APCDD1L: variants seen among roughly 807,000 people sequenced by gnomAD.
APCDD1L encodes protein APCDD1-like.
A neutral mutation model predicts 24.2 loss-of-function variants in APCDD1L; 21 were observed. That is an observed-to-expected ratio of 0.87 (90% CI 0.61 to 1.25). The LOEUF (loss-of-function observed/expected upper bound fraction) is 1.25. Ranked by LOEUF, APCDD1L falls within the 50% of genes most tolerant of loss-of-function variation. The pLI, the probability that APCDD1L is intolerant of heterozygous loss-of-function variation, is 0.00. For missense variants in APCDD1L, 704 were observed against 711.7 expected (o/e 0.99, Z 0.12); for synonymous variants, 321 against 323.6 (o/e 0.99, Z 0.09).
intron 1 of APCDD1L, among the ~76,000 whole-genome samples, chr20:58,507,984 G>T (rs915916342): frequency 6.6e-6 from 1 of 152,202 alleles, no homozygotes; most frequent in African/African-American, 2.4e-5. Context: ...ATAATACAAG[G>T]GTTAGTGAAG....
At chr20:58,488,390 AT>A (rs2123165800) in intron 1 of APCDD1L, among the ~76,000 whole-genome samples, 1 of 152,310 alleles carries the variant, frequency 6.6e-6, no homozygotes, top group South Asian at 2.1e-4. Flanking sequence ...ATACATATAT[AT>A]ATTACTGTGT....
chr20:58,489,665 C>T (rs771705447), intron 1 of APCDD1L, among the ~76,000 whole-genome samples: 1 of 146,414 alleles, frequency 6.8e-6, no homozygotes, highest in Non-Finnish European at 1.5e-5. Context: ...GCCTGGGCAA[C>T]AAGAGCGAAA....
chr20:58,492,455 T>A (rs1179122792), intron 1 of APCDD1L, among the ~76,000 whole-genome samples: 1 of 152,218 alleles, frequency 6.6e-6, no homozygotes, highest in Non-Finnish European at 1.5e-5. Context: ...GCATTAATAG[T>A]CAGGGCCGTG....
chr20:58,497,092 G>A lies in APCDD1L; in HGVS notation c.49+17567C>T, dbSNP rs191151358. Among the ~76,000 whole-genome samples the A allele has an allele frequency of 1.9e-3, 296 of 152,200 alleles. 1 individual carries two copies. The highest frequency in any genetic ancestry group is 6.8e-3 in the African/African-American group (283 of 41,518). Reference sequence around the variant, plus strand: ...AGTGAGGCCATGCAGGGGACAGCTCGAGAAAGACAGGGCTCCAGGGTCAGC... The same window carrying A: ...AGTGAGGCCATGCAGGGGACAGCTCAAGAAAGACAGGGCTCCAGGGTCAGC... On this transcript the variant is annotated intron_variant, in intron 1 of 3. Transcript: ENST00000371149. The surrounding 1 kb of genome is among the most constrained non-coding windows in gnomAD (Gnocchi z 4.3).
chr20:58,506,769 G>C (rs762083587), intron 1 of APCDD1L, among the ~76,000 whole-genome samples: 12 of 152,216 alleles, frequency 7.9e-5, no homozygotes, highest in Non-Finnish European at 1.6e-4. Flanking sequence ...TCCCCATTAA[G>C]CCATGTTATA....
chr20:58,488,141 G>T (rs1162258895), intron 1 of APCDD1L, among the ~76,000 whole-genome samples: 1 of 152,170 alleles, frequency 6.6e-6, no homozygotes, highest in Non-Finnish European at 1.5e-5. Flanking sequence ...ATTGAGTGCT[G>T]TTCTGAGTAG....
chr20:58,513,428 G>A (rs1473630865), intron 1 of APCDD1L, among the ~76,000 whole-genome samples: 6 of 152,156 alleles, frequency 3.9e-5, no homozygotes, highest in Non-Finnish European at 7.4e-5. Context: ...CCTTTCGACA[G>A]GTGAATCTGC....
intron 1 of APCDD1L, among the ~76,000 whole-genome samples, chr20:58,482,355 G>A (rs908966942): frequency 6.6e-6 from 1 of 152,146 alleles, no homozygotes; most frequent in Non-Finnish European, 1.5e-5. Flanking sequence ...GAGAAAGACC[G>A]GCTATAAGTC....
At position 58,460,764 on chromosome 20, in the gene APCDD1L, C is replaced by T. The variant is rs376570821; in HGVS notation, c.*26G>A. 2.8e-5 allele frequency: 42 copies of T among 1,510,386 alleles called. No homozygotes were observed. The highest frequency in any genetic ancestry group is 3.5e-5 in the Non-Finnish European group (40 of 1,129,772). 93.6% of individuals were successfully genotyped at this position (1,510,386 alleles called of 1,614,324 possible). ...TGAAGGGTTGAATGGGTGTCCAGAG[C>T]CGCCATCCTGATGTCAAGTCCAATG... On this transcript the variant is annotated 3_prime_UTR_variant, in exon 4 of 4. Transcript: ENST00000371149. This position sits in a 1 kb window ranked among gnomAD's most constrained non-coding sequence, Gnocchi z 4.2.
chr20:58,470,736 G>T lies in APCDD1L; in HGVS notation c.61C>A (p.Pro21Thr). 1.3e-6 allele frequency: 2 copies of T among 1,537,892 alleles called. No homozygotes were observed. The highest frequency in any genetic ancestry group is 1.7e-6 in the Non-Finnish European group (2 of 1,146,400). ...CTGCCCCCGGCCTCCCCAGCCGCCG[G>T]TGCAGTGTGGGCTGCAAAGCAGACA... ...VLVLLGAHTA[P>T]AAGEAGGSCL... The change falls in exon 2 of 4, where the codon CCG becomes ACG. Residue 21 changes from proline to threonine, a missense_variant. Physicochemically the swap from Pro to Thr is conservative, Grantham distance 38. Coordinates refer to ENST00000371149, the MANE Select transcript of APCDD1L (RefSeq NM_153360.3).
chr20:58,461,255 G>T lies in APCDD1L; in HGVS notation c.1041C>A (p.Gly347=), dbSNP rs572379948. 1 of 1,613,352 alleles carries T rather than the reference G, an allele frequency of 6.2e-7. No individual in the cohort carries two copies. Among genetic ancestry groups the T allele is most frequent in the South Asian group, 1.1e-5 (1 of 91,068 alleles). The change falls in exon 4 of 4, where the codon GGC becomes GGA. Residue 347 remains glycine (G), a synonymous_variant. Coordinates refer to ENST00000371149, the MANE Select transcript of APCDD1L (RefSeq NM_153360.3). The surrounding 1 kb of genome is among the most constrained non-coding windows in gnomAD (Gnocchi z 6.0). ...TGACCTCAAACACCAGCTCGGTGCC[G>T]CCGCGGACCCTGGTGGATGGCGTGC... ...TRGTPSTRVR[G]GTELVFEVTR... is the part of the protein sequence containing the mutation.
chr20:58,476,866 T>C (rs1478057144), intron 1 of APCDD1L, among the ~76,000 whole-genome samples: 1 of 152,316 alleles, frequency 6.6e-6, no homozygotes, highest in East Asian at 1.9e-4. Context: ...TGCTGTTCCA[T>C]CCTCTGCTCT....
In APCDD1L at chr20:58,514,922, C is replaced by A; in HGVS notation, c.-215G>T. On this transcript the variant is annotated 5_prime_UTR_variant, in exon 1 of 4. Transcript: ENST00000371149. ...CGGAGCTGCGCACTCATAGGTCCAA[C>A]TTGCCAGAAGAGGTGGAGACAGCCC... 2.6e-6 allele frequency: 1 copy of A among 379,830 alleles called. No homozygotes were observed. 23.5% of individuals were successfully genotyped at this position (379,830 alleles called of 1,614,324 possible).
intron 1 of APCDD1L, among the ~76,000 whole-genome samples, chr20:58,496,978 A>G (rs1363294484): frequency 6.6e-6 from 1 of 152,218 alleles, no homozygotes; most frequent in East Asian, 1.9e-4. Flanking sequence ...CAAACTATGT[A>G]AAAAAGAAAA....
At chr20:58,499,850 CT>C (rs1568751267) in intron 1 of APCDD1L, among the ~76,000 whole-genome samples, 1 of 152,264 alleles carries the variant, frequency 6.6e-6, no homozygotes, top group Admixed American at 6.5e-5. Context: ...TCTTCAACCT[CT>C]TTTTTTTCTC....
intron 3 of APCDD1L, among the ~76,000 whole-genome samples, chr20:58,463,466 T>A (rs1166828495): frequency 1.3e-5 from 2 of 152,200 alleles, no homozygotes; most frequent in African/African-American, 4.8e-5. Flanking sequence ...TAGTCTGCAT[T>A]TTGGAGTGAA....
At chr20:58,482,999 G>T (rs996839746) in intron 1 of APCDD1L, among the ~76,000 whole-genome samples, 11 of 152,142 alleles carry the variant, frequency 7.2e-5, no homozygotes, top group Non-Finnish European at 7.3e-5. Context: ...CAATTATTCT[G>T]CCCAGTACTG....
intron 1 of APCDD1L, among the ~76,000 whole-genome samples, chr20:58,486,854 G>GTTTTTTTTTTTTTTTT (rs747539318): frequency 5.0e-5 from 4 of 80,438 alleles, no homozygotes; most frequent in Non-Finnish European, 6.4e-5. Context: ...TGGAGGGAAG[G>GTTTTTTTTTTTTTTTT]TTTTTTTTTT....
At chr20:58,473,850 G>A (rs1030651214) in intron 1 of APCDD1L, among the ~76,000 whole-genome samples, 2 of 152,148 alleles carry the variant, frequency 1.3e-5, no homozygotes, top group East Asian at 1.9e-4. Context: ...ATAAGAGCAG[G>A]GACATTTGAA....
Sources: allele counts gnomAD v4.1 joint callset (sites outside exome capture counted in the v4.1 genomes callset), GRCh38; gene constraint gnomAD v4.1.1; non-coding constraint Gnocchi (gnomAD v3.1); transcripts MANE v1.5; gene names NCBI Gene and HGNC (gene_info 2026-07-23, HGNC 2026-07-21).